The following CTNND2 variants were observed in gnomAD, a reference collection of about 807,000 sequenced individuals.
The protein encoded by CTNND2 is catenin delta 2.
A neutral mutation model predicts 144.4 loss-of-function variants in CTNND2; 22 were observed. That is an observed-to-expected ratio of 0.15 (90% CI 0.11 to 0.22). The LOEUF (loss-of-function observed/expected upper bound fraction) is 0.22, where lower values mean the gene tolerates loss of function less well. Among genes scored for constraint, CTNND2 ranks in the 10% least tolerant of loss-of-function variants. The probability of loss-of-function intolerance (pLI) is 1.00; values close to 1 mark genes in which losing one functional copy is unlikely to be tolerated. For synonymous variants in CTNND2, 751 were observed against 695.6 expected, an observed-to-expected ratio of 1.08 and a Z score of -1.25; for missense variants, 1,353 against 1,618.8, an observed-to-expected ratio of 0.84 and a Z score of 2.82.
chr5:11,246,725 G>T (rs528188451), intron 9 of CTNND2, among the ~76,000 whole-genome samples: 4 of 151,276 alleles, frequency 2.6e-5, no homozygotes, highest in Non-Finnish European at 5.9e-5. Context: ...GTAGGTGGGT[G>T]GGGGGGTGGG....
chr5:11,443,223 G>C (rs983298147), intron 3 of CTNND2, among the ~76,000 whole-genome samples: 3 of 117,876 alleles, frequency 2.5e-5, no homozygotes. Flanking sequence ...TGTGTGGTGT[G>C]TATGTGTGTG....
intron 1 of CTNND2, among the ~76,000 whole-genome samples, chr5:11,740,209 C>A (rs1193026359): frequency 6.6e-6 from 1 of 151,988 alleles, no homozygotes; most frequent in East Asian, 1.9e-4. Flanking sequence ...CATATGGAAC[C>A]AAAAAAGAGC....
chr5:11,862,305 G>T (rs1342823924), intron 1 of CTNND2, among the ~76,000 whole-genome samples: 2 of 152,088 alleles, frequency 1.3e-5, no homozygotes, highest in African/African-American at 4.8e-5. Context: ...CCATTAAAAT[G>T]AAGGCACTTG....
At chr5:11,362,434 G>C (rs1218220484) in intron 8 of CTNND2, among the ~76,000 whole-genome samples, 1 of 152,142 alleles carries the variant, frequency 6.6e-6, no homozygotes, top group Non-Finnish European at 1.5e-5. Flanking sequence ...ATATGAATTA[G>C]GTATAGACAC....
chr5:11,707,942 C>G (rs1274734331), intron 2 of CTNND2, among the ~76,000 whole-genome samples: 2 of 152,160 alleles, frequency 1.3e-5, no homozygotes, highest in Non-Finnish European at 2.9e-5. Flanking sequence ...CTTTCCACTC[C>G]TAAATTTCTG....
intron 2 of CTNND2, among the ~76,000 whole-genome samples, chr5:11,653,266 A>G (rs1246598799): frequency 6.6e-6 from 1 of 152,104 alleles, no homozygotes. Context: ...TCCCACATAT[A>G]CCCATTATAG....
intron 2 of CTNND2, among the ~76,000 whole-genome samples, chr5:11,649,708 T>G (rs1014842514): frequency 2.0e-5 from 3 of 152,188 alleles, no homozygotes; most frequent in Non-Finnish European, 4.4e-5. Context: ...ACTGTCTTCT[T>G]GTTCAATATT....
chr5:11,139,162 T>C (rs1043743658), intron 12 of CTNND2, among the ~76,000 whole-genome samples: 2 of 152,170 alleles, frequency 1.3e-5, no homozygotes, highest in African/African-American at 4.8e-5. Context: ...TGTTTTGCTA[T>C]GTTGCCCAGG....
intron 2 of CTNND2, among the ~76,000 whole-genome samples, chr5:11,651,987 T>C (rs909530695): frequency 1.3e-5 from 2 of 152,140 alleles, no homozygotes; most frequent in Non-Finnish European, 1.5e-5. Flanking sequence ...AGTTCAGACT[T>C]GGGGGACTGT....
intron 2 of CTNND2, among the ~76,000 whole-genome samples, chr5:11,591,824 T>C (rs1366370271): frequency 6.6e-6 from 1 of 152,168 alleles, no homozygotes; most frequent in Non-Finnish European, 1.5e-5. Flanking sequence ...GTCAACCCAC[T>C]ATCTTTAAAC....
intron 2 of CTNND2, among the ~76,000 whole-genome samples, chr5:11,597,860 C>A (rs1034065674): frequency 1.2e-4 from 19 of 152,108 alleles, no homozygotes; most frequent in African/African-American, 4.6e-4. Context: ...CGAAGCCTGG[C>A]TTGGAATAGT....
At chr5:11,832,100 G>A (rs1416209771) in intron 1 of CTNND2, among the ~76,000 whole-genome samples, 11 of 151,954 alleles carry the variant, frequency 7.2e-5, no homozygotes, top group African/African-American at 2.7e-4. Flanking sequence ...TGGCTAACAT[G>A]GTGAAACCCC....
At chr5:11,234,986 A>G (rs988873104) in intron 10 of CTNND2, among the ~76,000 whole-genome samples, 2 of 152,178 alleles carry the variant, frequency 1.3e-5, no homozygotes, top group African/African-American at 4.8e-5. Flanking sequence ...CTTTCTCAAG[A>G]CAATTTTGGA....
intron 3 of CTNND2, among the ~76,000 whole-genome samples, chr5:11,556,360 T>C (rs1776240108): frequency 6.6e-6 from 1 of 152,182 alleles, no homozygotes; most frequent in South Asian, 2.1e-4. Flanking sequence ...ATTTCAATAT[T>C]GTATCCTGCA....
intron 6 of CTNND2, among the ~76,000 whole-genome samples, chr5:11,387,973 C>A (rs757101): frequency 0.33 from 50,495 of 151,942 alleles, 10,159 homozygotes; most frequent in East Asian, 0.51. Flanking sequence ...CTGAATACGA[C>A]TGTCTCCTAT....
intron 3 of CTNND2, among the ~76,000 whole-genome samples, chr5:11,527,069 T>C (rs1172852550): frequency 2.0e-5 from 3 of 151,494 alleles, no homozygotes; most frequent in African/African-American, 2.4e-5. Context: ...GAAGGTGGGG[T>C]TGGGGGAGAG....
chr5:11,338,485 G>A (rs1232071945), intron 9 of CTNND2, among the ~76,000 whole-genome samples: 3 of 152,194 alleles, frequency 2.0e-5, no homozygotes, highest in Non-Finnish European at 4.4e-5. Flanking sequence ...TTCCCTAGAG[G>A]AAGGTCTGTA....
chr5:11,236,643 T>C (rs1741664804), intron 10 of CTNND2, 48 bp downstream of exon 10: 1 of 1,598,792 alleles, frequency 6.3e-7, no homozygotes, highest in Non-Finnish European at 8.6e-7. Context: ...AAGATCTAAG[T>C]GCTTATGAAT....
chr5:11,470,252 A>T (rs1237227636), intron 3 of CTNND2, among the ~76,000 whole-genome samples: 1 of 152,086 alleles, frequency 6.6e-6, no homozygotes, highest in Non-Finnish European at 1.5e-5. Context: ...GCTGACTAAC[A>T]TGGAGAAACC....
Sources: gnomAD v4.1 joint callset for allele counts (sites outside exome capture counted in the v4.1 genomes callset) on GRCh38, gnomAD v4.1.1 for gene constraint, MANE v1.5 for transcripts, NCBI Gene and HGNC (gene_info 2026-07-23, HGNC 2026-07-21) for gene names.